The following CENPX variants were observed in gnomAD, a reference collection of about 807,000 sequenced individuals.
CENPX encodes the protein centromere protein X, also known as FANCM associated histone fold protein 2.
A neutral mutation model predicts 13.2 loss-of-function variants in CENPX; 13 were observed. That is an observed-to-expected ratio of 0.98 (90% CI 0.64 to 1.56). The LOEUF is 1.56. Among genes scored for constraint, CENPX ranks in the 40% most tolerant of loss-of-function variants. The pLI, the probability that CENPX is intolerant of heterozygous loss-of-function variation, is 0.00. For synonymous variants in CENPX, 66 were observed against 47.2 expected (o/e 1.40, Z -1.63); for missense variants, 138 against 107.5 (o/e 1.28, Z -1.26).
intron 3 of CENPX, 37 bp downstream of exon 3, chr17:82,019,604 A>T: frequency 6.5e-7 from 1 of 1,550,176 alleles, no homozygotes; most frequent in East Asian, 2.4e-5. Flanking sequence ...AAAATTCCGG[A>T]TGCTGTGCCC....
At position 82,018,762 on chromosome 17, in the gene CENPX, G is replaced by A. The variant is rs2043214883; in HGVS notation, c.*443C>T. 1 of 265,540 alleles carries A rather than the reference G, an allele frequency of 3.8e-6. No individual in the cohort carries two copies. Among genetic ancestry groups the A allele is most frequent in the East Asian group, 5.6e-5 (1 of 17,776 alleles). The allele number at this position is 265,540 out of a possible 1,614,324, so 16.4% of individuals were successfully genotyped here. ...TGTGAGAACAAATTTATAGCCTGGG[G>A]AAGCATCTTCCAAGGGGAATATCGC... On this transcript the variant is annotated 3_prime_UTR_variant, in exon 5 of 5. Coordinates refer to ENST00000392359, the MANE Select transcript of CENPX (RefSeq NM_001271006.2).
intron 1 of CENPX, among the ~76,000 whole-genome samples, chr17:82,021,551 G>A (rs2043282656): frequency 6.6e-6 from 1 of 152,196 alleles, no homozygotes; most frequent in African/African-American, 2.4e-5. Flanking sequence ...GGTTGTGGAG[G>A]GTGCCTAGGA....
Position 82,019,926 on chromosome 17 carries a change from T to A in CENPX, c.37-17A>T, listed in dbSNP as rs1361752066. The A allele has an allele frequency of 6.4e-7, 1 of 1,553,514 alleles. No homozygotes were observed. ...CACCAGCTCCTAGAAGGGAGGGGGG[T>A]GTCAGCGCCACGCCCCGCCCTCCCC... On this transcript the variant is annotated splice_polypyrimidine_tract_variant and intron_variant, in intron 1 of 4. Transcript: ENST00000392359.
chr17:82,021,969 G>A (rs908768695), intron 1 of CENPX, among the ~76,000 whole-genome samples: 2 of 152,178 alleles, frequency 1.3e-5, no homozygotes, highest in African/African-American at 2.4e-5. Context: ...TGCTTCTACA[G>A]GGCTGAAGTC....
At chr17:82,020,249 G>C (rs1319900532) in intron 1 of CENPX, among the ~76,000 whole-genome samples, 1 of 152,258 alleles carries the variant, frequency 6.6e-6, no homozygotes, top group Non-Finnish European at 1.5e-5. Context: ...GCCTAATCTT[G>C]CACTCCCATC....
chr17:82,021,895 C>T (rs1030328975), intron 1 of CENPX, among the ~76,000 whole-genome samples: 2 of 152,188 alleles, frequency 1.3e-5, no homozygotes, highest in African/African-American at 4.8e-5. Flanking sequence ...ACACCCCCCG[C>T]CCCCCACGCC....
Position 82,019,874 on chromosome 17 carries a change from C to A in CENPX, c.72G>T (p.Lys24Asn). Residue 24 changes from lysine (K) to asparagine (N), a missense_variant, in exon 2 of 5, where the codon AAG (lysine) becomes AAT (asparagine). Coordinates refer to ENST00000392359, the MANE Select transcript of CENPX (RefSeq NM_001271006.2). ...LVSRLLHLHF[K>N]DDKTKVSGDA... ...CACCCGCACCTTTGGTCTTGTCATC[C>A]TTGAAGTGCAGGTGCAGCAGCCTGC... 4 of 1,600,546 alleles carry A rather than the reference C, an allele frequency of 2.5e-6. No individual in the cohort carries two copies. The highest frequency in any genetic ancestry group is 3.4e-6 in the Non-Finnish European group (4 of 1,170,758).
Position 82,019,889 on chromosome 17 carries a change from C to T in CENPX, c.57G>A (p.Leu19=), listed in dbSNP as rs779995460. ...GFRKELVSRL[L]HLHFKDDKTK... ...TCTTGTCATCCTTGAAGTGCAGGTG[C>T]AGCAGCCTGCTCACCAGCTCCTAGA... The change falls in exon 2 of 5, where the codon CTG becomes CTA. Residue 19 remains leucine (L), a synonymous_variant. Transcript: ENST00000392359. 3.1e-5 allele frequency: 49 copies of T among 1,581,806 alleles called. No individual in the cohort carries two copies. Among genetic ancestry groups the T allele is most frequent in the Non-Finnish European group, 4.0e-5 (47 of 1,161,372 alleles).
In CENPX at chr17:82,018,706, G is replaced by A. The variant is rs72861729; in HGVS notation, c.*499C>T. Reference sequence around the variant, plus strand: ...ATTAATGGCAAGAAAGCCAAGCTGGGAGAGACAGTTTTGATTTATTGATGT... The same window carrying A: ...ATTAATGGCAAGAAAGCCAAGCTGGAAGAGACAGTTTTGATTTATTGATGT... On this transcript the variant is annotated 3_prime_UTR_variant, in exon 5 of 5. Transcript: ENST00000392359. 34,079 of 239,778 alleles carry A rather than the reference G, an allele frequency of 0.14. 2,723 individuals carry two copies. Among genetic ancestry groups the A allele is most frequent in the Non-Finnish European group, 0.17 (20,685 of 123,046 alleles). The allele number at this position is 239,778 out of a possible 1,614,324, so 14.9% of individuals were successfully genotyped here. A position where few individuals can be genotyped will look rare whatever the true frequency, so the allele number is the denominator to read the frequency against.
chr17:82,019,137 G>A lies in CENPX; in HGVS notation c.*68C>T. On this transcript the variant is annotated 3_prime_UTR_variant, in exon 5 of 5. Coordinates refer to ENST00000392359, the MANE Select transcript of CENPX (RefSeq NM_001271006.2). The stretch of plus-strand genomic sequence containing the variant: ...CCCTGCCTCTTATCAGAGGCCGCTG[G>A]AAACACAAGGCCTGCTTCTGTGGAC... The A allele has an allele frequency of 1.3e-6, 2 of 1,496,554 alleles. No individual in the cohort carries two copies. Among genetic ancestry groups the A allele is most frequent in the Non-Finnish European group, 1.8e-6 (2 of 1,123,044 alleles). The allele number at this position is 1,496,554 out of a possible 1,614,324, so 92.7% of individuals were successfully genotyped here.
Position 82,019,694 on chromosome 17 carries a change from A to G in CENPX, c.89T>C (p.Val30Ala). Residue 30 changes from valine to alanine, a missense_variant and splice_region_variant, in exon 3 of 5, where the codon GTG (valine) becomes GCG (alanine). Coordinates refer to ENST00000392359, the MANE Select transcript of CENPX (RefSeq NM_001271006.2). ...HLHFKDDKTK[V>A]SGDALQLMVE... The stretch of plus-strand genomic sequence containing the variant: ...CATGAGCTGCAGCGCGTCCCCGCTC[A>G]CTGCAAGGCAGGGGGAGGTTATGCG... The G allele has an allele frequency of 6.5e-7, 1 of 1,550,302 alleles. No homozygotes were observed. The highest frequency in any genetic ancestry group is 8.7e-7 in the Non-Finnish European group (1 of 1,146,960).
rs542377868 is a variant in CENPX, at chr17:82,018,822, G to C, written c.*383C>G. The stretch of plus-strand genomic sequence containing the variant: ...AAGGTCACACGCCAGCTTTGATGTC[G>C]GGTGGCAGGAATGTGGGCAGGAGGC... On this transcript the variant is annotated 3_prime_UTR_variant, in exon 5 of 5. Transcript: ENST00000392359. The C allele has an allele frequency of 3.2e-6, 1 of 316,078 alleles. No homozygotes were observed. Among genetic ancestry groups the C allele is most frequent in the African/African-American group, 2.1e-5 (1 of 47,418 alleles). The allele number at this position is 316,078 out of a possible 1,614,324, so 19.6% of individuals were successfully genotyped here.
In CENPX at chr17:82,019,391, G is replaced by A. The variant is rs1228935135; in HGVS notation, c.143-10C>T. ...CCGCGGACTGCTGCTTCTGCGGTGA[G>A]AAACGCGAGAGGTGGGGGATGCTGG... is the stretch of plus-strand genomic sequence containing the variant. On this transcript the variant is annotated splice_polypyrimidine_tract_variant and intron_variant, in intron 3 of 4. Coordinates refer to ENST00000392359, the MANE Select transcript of CENPX (RefSeq NM_001271006.2). 2 of 1,541,412 alleles carry A rather than the reference G, an allele frequency of 1.3e-6. No homozygotes were observed.
chr17:82,022,327 G>GT (rs1473837491), intron 1 of CENPX, among the ~76,000 whole-genome samples: 7 of 152,352 alleles, frequency 4.6e-5, no homozygotes, highest in Non-Finnish European at 7.3e-5. Flanking sequence ...TGTGTAACGT[G>GT]GAGCACCGAA....
At chr17:82,020,526 G>A (rs1024580771) in intron 1 of CENPX, among the ~76,000 whole-genome samples, 1 of 152,228 alleles carries the variant, frequency 6.6e-6, no homozygotes, top group Non-Finnish European at 1.5e-5. Context: ...GCTGGAGTGA[G>A]GGGTGGGCCA....
chr17:82,019,266 C>G, intron 4 of CENPX, 27 bp downstream of exon 4: 4 of 1,597,872 alleles, frequency 2.5e-6, no homozygotes, highest in South Asian at 1.1e-5. Flanking sequence ...GGCACCCCCA[C>G]TTGCGCCCCG....
At position 82,019,196 on chromosome 17, in the gene CENPX, C is replaced by G; in HGVS notation, c.*9G>C. 6.4e-7 allele frequency: 1 copy of G among 1,570,184 alleles called. No homozygotes were observed. Among genetic ancestry groups the G allele is most frequent in the Non-Finnish European group, 8.7e-7 (1 of 1,152,862 alleles). ...CCTCTGGGGGTGGCCTCAGCCACGGCTGAGATCCCTAGAAGTCCAGGAGCT... is the reference window on the plus strand; with the variant it reads ...CCTCTGGGGGTGGCCTCAGCCACGGGTGAGATCCCTAGAAGTCCAGGAGCT... On this transcript the variant is annotated 3_prime_UTR_variant, in exon 5 of 5. Transcript: ENST00000392359.
Position 82,019,333 on chromosome 17 carries a change from C to T in CENPX, c.191G>A (p.Arg64His), listed in dbSNP as rs764752236. 35 of 1,581,644 alleles carry T rather than the reference C, an allele frequency of 2.2e-5. No homozygotes were observed. The highest frequency in any genetic ancestry group is 3.7e-5 in the Admixed American group (2 of 53,662). ...CTTCTCCAGCTGGTCCACGTCCACA[C>T]GGAGCGCGTCTTCTGCCTGGGCCTG... is the stretch of plus-strand genomic sequence containing the variant. Reference protein sequence around the residue: ...VRQAQAEDALRVDVDQLEKVL... With the variant: ...VRQAQAEDALHVDVDQLEKVL... The change falls in exon 4 of 5, where the codon CGT becomes CAT. Residue 64 changes from arginine (R) to histidine (H), a missense_variant. Coordinates refer to ENST00000392359, the MANE Select transcript of CENPX (RefSeq NM_001271006.2).
intron 1 of CENPX, among the ~76,000 whole-genome samples, chr17:82,021,446 G>A (rs1309805861): frequency 6.6e-6 from 1 of 152,266 alleles, no homozygotes. Context: ...GGAAGACCAC[G>A]CCAGAGAGTG....
Sources: gnomAD v4.1 joint callset for allele counts (sites outside exome capture counted in the v4.1 genomes callset) on GRCh38, gnomAD v4.1.1 for gene constraint, MANE v1.5 for transcripts, NCBI Gene and HGNC (gene_info 2026-07-23, HGNC 2026-07-21) for gene names.